CPQ: variants seen among roughly 807,000 people sequenced by gnomAD.
The protein encoded by CPQ is Ser-Met dipeptidase.
Under a neutral mutation model 45.7 loss-of-function variants are expected in CPQ, and 37 were observed. That is an observed-to-expected ratio of 0.81 (90% CI 0.62 to 1.07). The LOEUF (loss-of-function observed/expected upper bound fraction) is 1.07, where lower values mean the gene tolerates loss of function less well. Ranked by LOEUF, CPQ falls within the 50% of genes least tolerant of loss-of-function variation. The pLI, the probability that CPQ is intolerant of heterozygous loss-of-function variation, is 0.00. For synonymous variants in CPQ, 186 were observed against 205.8 expected (o/e 0.90, Z 0.82); for missense variants, 537 against 572.9 (o/e 0.94, Z 0.64).
intron 5 of CPQ, among the ~76,000 whole-genome samples, chr8:96,990,095 A>G (rs1374336618): frequency 1.3e-5 from 2 of 152,066 alleles, no homozygotes; most frequent in Non-Finnish European, 2.9e-5. Context: ...TGATGTTCAC[A>G]CCCTGCACAG....
chr8:97,099,138 T>TTC (rs2130576598), intron 7 of CPQ, among the ~76,000 whole-genome samples: 1 of 139,022 alleles, frequency 7.2e-6, no homozygotes, highest in South Asian at 2.4e-4. Context: ...TTTTTTTTTT[T>TTC]TTTTGTGATG....
chr8:96,799,091 C>T (rs1280790919), intron 2 of CPQ, among the ~76,000 whole-genome samples: 2 of 152,178 alleles, frequency 1.3e-5, no homozygotes, highest in Non-Finnish European at 2.9e-5. Context: ...ATCCAAATAA[C>T]AAGAAATTTT....
At chr8:96,716,748 A>G (rs1255369053) in intron 1 of CPQ, among the ~76,000 whole-genome samples, 1 of 151,962 alleles carries the variant, frequency 6.6e-6, no homozygotes, top group East Asian at 1.9e-4. Context: ...TCTCTACTAA[A>G]AATACAACAT....
intron 5 of CPQ, among the ~76,000 whole-genome samples, chr8:96,981,516 A>C (rs1157739180): frequency 6.6e-6 from 1 of 152,110 alleles, no homozygotes; most frequent in Non-Finnish European, 1.5e-5. Context: ...ACTGGAATTT[A>C]CTCCTTTTCT....
chr8:96,672,424 G>A (rs1480295109), intron 1 of CPQ, among the ~76,000 whole-genome samples: 1 of 152,132 alleles, frequency 6.6e-6, no homozygotes, highest in African/African-American at 2.4e-5. Context: ...TTGAGACAAT[G>A]AGCCAAATGG....
intron 2 of CPQ, among the ~76,000 whole-genome samples, chr8:96,790,197 A>G (rs1343788253): frequency 1.3e-5 from 2 of 152,124 alleles, no homozygotes. Context: ...CTTCATCCTT[A>G]TGGCTTCTCT....
chr8:97,102,737 G>T (rs1220641950), intron 7 of CPQ, among the ~76,000 whole-genome samples: 1 of 152,152 alleles, frequency 6.6e-6, no homozygotes, highest in Non-Finnish European at 1.5e-5. Flanking sequence ...CCCAGACTTT[G>T]CATGGGCTGA....
At chr8:96,916,301 AG>A (rs1241369984) in intron 4 of CPQ, among the ~76,000 whole-genome samples, 1 of 152,170 alleles carries the variant, frequency 6.6e-6, no homozygotes, top group Non-Finnish European at 1.5e-5. Flanking sequence ...AGAATAGTGA[AG>A]GTTATTGCAT....
chr8:96,669,277 C>A (rs540567350), intron 1 of CPQ, among the ~76,000 whole-genome samples: 2 of 152,314 alleles, frequency 1.3e-5, no homozygotes, highest in African/African-American at 4.8e-5. Flanking sequence ...GGACTTTTAC[C>A]GTTTCCCAGA....
Position 97,094,890 on chromosome 8 carries a change from G to A in CPQ, c.1255+28680G>A, listed in dbSNP as rs190275806. Among the ~76,000 whole-genome samples, 4 of 152,096 alleles carry A rather than the reference G, an allele frequency of 2.6e-5. No individual in the cohort carries two copies. The East Asian group carries it at 7.7e-4, about 29-fold the overall frequency. On this transcript the variant is annotated intron_variant, in intron 7 of 7. Transcript: ENST00000220763. ...GAATTCCACTTGGAACTGTCCACCA[G>A]GATTACCTTCCCAAGGACACAAAGG...
intron 1 of CPQ, among the ~76,000 whole-genome samples, chr8:96,694,621 A>C (rs1180217635): frequency 6.6e-6 from 1 of 152,166 alleles, no homozygotes; most frequent in Admixed American, 6.5e-5. Flanking sequence ...TAACAAGAGG[A>C]ACTTTGGAAA....
At chr8:97,083,964 G>A (rs1810999932) in intron 7 of CPQ, among the ~76,000 whole-genome samples, 1 of 152,110 alleles carries the variant, frequency 6.6e-6, no homozygotes, top group African/African-American at 2.4e-5. Context: ...GAAAGTAAAT[G>A]TAAGCCTCTT....
intron 4 of CPQ, among the ~76,000 whole-genome samples, chr8:96,896,285 A>G (rs1812441394): frequency 6.6e-6 from 1 of 152,244 alleles, no homozygotes; most frequent in South Asian, 2.1e-4. Flanking sequence ...ACTCTATTTT[A>G]AAAAGGCATG....
chr8:96,725,773 A>G (rs1278578938), intron 1 of CPQ, among the ~76,000 whole-genome samples: 2 of 152,232 alleles, frequency 1.3e-5, no homozygotes, highest in Non-Finnish European at 2.9e-5. Context: ...ACCAAAAAAG[A>G]CACATGCACT....
intron 6 of CPQ, among the ~76,000 whole-genome samples, chr8:97,033,602 T>C (rs1000885608): frequency 2.2e-4 from 34 of 152,106 alleles, no homozygotes; most frequent in African/African-American, 8.2e-4. Context: ...ATTATTGTAA[T>C]GATAAAAGCT....
intron 7 of CPQ, among the ~76,000 whole-genome samples, chr8:97,066,621 A>G (rs1002628339): frequency 6.6e-6 from 1 of 152,202 alleles, no homozygotes; most frequent in East Asian, 1.9e-4. Context: ...CCTGTGCTAG[A>G]AAAACTTCCT....
At chr8:96,745,569 C>G (rs1810168879) in intron 1 of CPQ, among the ~76,000 whole-genome samples, 1 of 152,122 alleles carries the variant, frequency 6.6e-6, no homozygotes, top group Admixed American at 6.5e-5. Context: ...GAGGGAAGGG[C>G]TCATCATCCT....
intron 1 of CPQ, chr8:96,680,392 A>T (rs1809133530): frequency 6.6e-6 from 1 of 152,108 alleles, no homozygotes; most frequent in Admixed American, 6.5e-5. Flanking sequence ...TTCTCATGCT[A>T]TTCTCATGAT....
At chr8:96,972,825 G>A (rs1381122869) in intron 5 of CPQ, among the ~76,000 whole-genome samples, 1 of 152,166 alleles carries the variant, frequency 6.6e-6, no homozygotes, top group East Asian at 1.9e-4. Flanking sequence ...CCCATTCCTA[G>A]GGGAAGGGAA....
Sources: allele counts gnomAD v4.1 joint callset (sites outside exome capture counted in the v4.1 genomes callset), GRCh38; gene constraint gnomAD v4.1.1; transcripts MANE v1.5; gene names NCBI Gene and HGNC (gene_info 2026-07-23, HGNC 2026-07-21).